The following KHDC1 variants were observed in gnomAD, a reference collection of about 807,000 sequenced individuals.
KHDC1 encodes KH domain containing 1.
In KHDC1, 21 loss-of-function variants were observed where a neutral mutation model predicts 24.7. The ratio of observed to expected loss-of-function variants is 0.85; its 90% CI spans 0.60 to 1.23. The LOEUF (loss-of-function observed/expected upper bound fraction) is 1.23, where lower values mean the gene tolerates loss of function less well. Among genes scored for constraint, KHDC1 ranks in the 50% most tolerant of loss-of-function variants. The pLI, the probability that KHDC1 is intolerant of heterozygous loss-of-function variation, is 0.00. For missense variants in KHDC1, 274 were observed against 298.5 expected (o/e 0.92, Z 0.61); for synonymous variants, 98 against 111.7 (o/e 0.88, Z 0.77).
At chr6:73,277,420 G>T (rs540154835) in intron 2 of KHDC1, among the ~76,000 whole-genome samples, 2 of 152,180 alleles carry the variant, frequency 1.3e-5, no homozygotes, top group South Asian at 4.1e-4. Flanking sequence ...AGCCAAGATT[G>T]TGCCATTGCA....
intron 2 of KHDC1, among the ~76,000 whole-genome samples, chr6:73,243,631 T>G (rs1766615041): frequency 6.6e-6 from 1 of 152,230 alleles, no homozygotes; most frequent in African/African-American, 2.4e-5. Flanking sequence ...AGCAACAGGT[T>G]GCAAAGACAA....
At chr6:73,288,466 C>A (rs767871324) in intron 2 of KHDC1, among the ~76,000 whole-genome samples, 1 of 152,120 alleles carries the variant, frequency 6.6e-6, no homozygotes, top group African/African-American at 2.4e-5. Flanking sequence ...ACTAAAAATA[C>A]AAACATTAGC....
intron 2 of KHDC1, among the ~76,000 whole-genome samples, chr6:73,266,144 G>C (rs1486187659): frequency 2.0e-5 from 3 of 152,166 alleles, no homozygotes; most frequent in African/African-American, 7.2e-5. Flanking sequence ...AGTGGATGAG[G>C]ATCTGTCTTG....
In KHDC1 at chr6:73,263,363, T is replaced by G. The variant is rs912365514; in HGVS notation, c.207-20833A>C. 6 of 846,558 alleles carry G rather than the reference T, an allele frequency of 7.1e-6. No homozygotes were observed. The African/African-American group carries it at 1.1e-4, about 16-fold the overall frequency. The allele number at this position is 846,558 out of a possible 1,614,324, so 52.4% of individuals were successfully genotyped here. On this transcript the variant is annotated intron_variant, in intron 2 of 4. Coordinates refer to ENST00000370384, the Ensembl canonical transcript of KHDC1. ...AAGGGTGGGAGGAGGGACGAGCCAG[T>G]GGCAATGACCCAGACCCGGACGACC...
chr6:73,281,193 GC>G (rs1767399291), intron 2 of KHDC1, among the ~76,000 whole-genome samples: 1 of 152,152 alleles, frequency 6.6e-6, no homozygotes, highest in African/African-American at 2.4e-5. Context: ...TAGAAATTTA[GC>G]CAGGCGTGGT....
At position 73,307,725 on chromosome 6, in the gene KHDC1, G is replaced by T. The variant is rs139454606; in HGVS notation, c.163+1827C>A. Among the ~76,000 whole-genome samples, 3 of 152,212 alleles carry T rather than the reference G, an allele frequency of 2.0e-5. No homozygotes were observed. The East Asian group carries it at 5.8e-4, about 29-fold the overall frequency. On this transcript the variant is annotated intron_variant, in intron 1 of 4. Transcript: ENST00000370384. ...GTGCAACCGCCTGGCTCGTGCTCTG[G>T]CTAAAAAGAGAGCAGCTGATCATAT...
chr6:73,262,041 A>G (rs909577044), intron 2 of KHDC1, among the ~76,000 whole-genome samples: 1 of 152,000 alleles, frequency 6.6e-6, no homozygotes. Context: ...ATGGTGCCAC[A>G]GCCCTCCAGC....
intron 2 of KHDC1, among the ~76,000 whole-genome samples, chr6:73,272,649 G>A (rs1320427580): frequency 1.3e-5 from 2 of 150,956 alleles, no homozygotes; most frequent in African/African-American, 4.9e-5. Context: ...GGTGGCGGGT[G>A]CCTGTAATCC....
chr6:73,268,498 A>T (rs1407473196), intron 2 of KHDC1: 2 of 152,212 alleles, frequency 1.3e-5, no homozygotes, highest in East Asian at 1.9e-4. Flanking sequence ...TTATTCTCTT[A>T]TCTGGCCCCA....
At chr6:73,270,725 T>C (rs1360111245) in intron 2 of KHDC1, among the ~76,000 whole-genome samples, 4 of 151,836 alleles carry the variant, frequency 2.6e-5, no homozygotes, top group African/African-American at 9.7e-5. Flanking sequence ...AGTTTTGCTC[T>C]TGTCGCCCAG....
chr6:73,269,673 C>G (rs537969049), intron 2 of KHDC1: 1 of 152,000 alleles, frequency 6.6e-6, no homozygotes, highest in Non-Finnish European at 1.5e-5. Context: ...TTTGATGTTC[C>G]TGAGGTGTGA....
intron 2 of KHDC1, among the ~76,000 whole-genome samples, chr6:73,250,126 T>C (rs1318002844): frequency 6.6e-6 from 1 of 152,226 alleles, no homozygotes; most frequent in East Asian, 1.9e-4. Context: ...ATTCAGTGGC[T>C]CTATCACTCT....
At chr6:73,245,011 G>A (rs1395372360) in intron 2 of KHDC1, among the ~76,000 whole-genome samples, 1 of 152,108 alleles carries the variant, frequency 6.6e-6, no homozygotes, top group Non-Finnish European at 1.5e-5. Context: ...TAGGTGGCAC[G>A]GAAATTCTGT....
intron 1 of KHDC1, chr6:73,292,831 T>C: frequency 1.4e-6 from 1 of 708,574 alleles, no homozygotes; most frequent in Non-Finnish European, 2.6e-6. Context: ...CAGAATTTGT[T>C]GAATGCTTAT....
At chr6:73,271,958 A>C (rs1312292729) in intron 2 of KHDC1, among the ~76,000 whole-genome samples, 4 of 151,860 alleles carry the variant, frequency 2.6e-5, no homozygotes, top group East Asian at 3.9e-4. Context: ...TCCTTGGTAC[A>C]TATGGATGTG....
intron 2 of KHDC1, among the ~76,000 whole-genome samples, chr6:73,248,364 G>C (rs1032374495): frequency 3.4e-5 from 5 of 147,180 alleles, no homozygotes; most frequent in African/African-American, 1.2e-4. Flanking sequence ...TTCTCTCTCT[G>C]TCTCTCTCTC....
chr6:73,306,147 T>G (rs1202002760), intron 1 of KHDC1, among the ~76,000 whole-genome samples: 1 of 152,138 alleles, frequency 6.6e-6, no homozygotes, highest in Non-Finnish European at 1.5e-5. Flanking sequence ...AATCTTTCCA[T>G]ATAGCTCCCT....
intron 2 of KHDC1, among the ~76,000 whole-genome samples, chr6:73,242,865 G>T (rs747800171): frequency 9.2e-5 from 14 of 152,180 alleles, no homozygotes; most frequent in Non-Finnish European, 1.8e-4. Flanking sequence ...GGATGGAGGT[G>T]CAAGAAGGCT....
In KHDC1 at chr6:73,274,311, CT is replaced by C. The variant is rs748543428; in HGVS notation, c.206+17686del. 5 of 152,294 alleles carry C rather than the reference CT, an allele frequency of 3.3e-5. No homozygotes were observed. In the South Asian group the frequency reaches 1.0e-3, roughly 32 times the overall value. 9.4% of individuals were successfully genotyped at this position (152,294 alleles called of 1,614,324 possible). A position where few individuals can be genotyped will look rare whatever the true frequency, so the allele number is the denominator to read the frequency against. On this transcript the variant is annotated intron_variant, in intron 2 of 4. Transcript: ENST00000370384. ...CCTGGACTCTCATCCCAGTCCACTT[CT>C]ATTTATTAGCTGGTTAGCATTGCAG... is the stretch of plus-strand genomic sequence containing the variant.
Sources: gnomAD v4.1 joint callset for allele counts (sites outside exome capture counted in the v4.1 genomes callset) on GRCh38, gnomAD v4.1.1 for gene constraint, MANE v1.5 for transcripts, NCBI Gene and HGNC (gene_info 2026-07-23, HGNC 2026-07-21) for gene names.